CFAP57: variants seen among roughly 807,000 people sequenced by gnomAD.
CFAP57 encodes the protein cilia- and flagella-associated protein 57.
A neutral mutation model predicts 146.8 loss-of-function variants in CFAP57; 116 were observed. The observed-to-expected ratio is 0.79, with a 90% CI of 0.68 to 0.92. CFAP57 has a LOEUF of 0.92. Among genes scored for constraint, CFAP57 ranks in the 40% least tolerant of loss-of-function variants. The pLI is 0.00. For missense variants in CFAP57, 1,377 were observed against 1,527.2 expected, an observed-to-expected ratio of 0.90 and a Z score of 1.64; for synonymous variants, 518 against 552.8, an observed-to-expected ratio of 0.94 and a Z score of 0.88.
intron 18 of CFAP57, among the ~76,000 whole-genome samples, chr1:43,229,884 G>T (rs898095973): frequency 6.6e-6 from 1 of 152,140 alleles, no homozygotes; most frequent in African/African-American, 2.4e-5. Context: ...GACCTTGCCA[G>T]AGGTCCCCTG....
intron 6 of CFAP57, among the ~76,000 whole-genome samples, chr1:43,191,003 C>G (rs560621721): frequency 1.3e-5 from 2 of 152,084 alleles, no homozygotes; most frequent in Admixed American, 6.6e-5. Flanking sequence ...AGTGTTCCAG[C>G]CTCTTCTAAT....
chr1:43,233,721 C>A (rs547416648), intron 19 of CFAP57, among the ~76,000 whole-genome samples: 111 of 152,236 alleles, frequency 7.3e-4, no homozygotes, highest in African/African-American at 2.5e-3. Flanking sequence ...AAATGACTTT[C>A]TCTAGGTCAG....
At chr1:43,181,938 TTCC>T in intron 3 of CFAP57, 88 bp downstream of exon 3, 1 of 1,427,056 alleles carries the variant, frequency 7.0e-7, no homozygotes, top group Non-Finnish European at 9.8e-7. Flanking sequence ...CAGTTCTAAT[TTCC>T]TCCATGCATT....
At chr1:43,192,012 G>A (rs1486874411) in intron 6 of CFAP57, among the ~76,000 whole-genome samples, 1 of 151,886 alleles carries the variant, frequency 6.6e-6, no homozygotes, top group East Asian at 1.9e-4. Flanking sequence ...TTAGGAGTGT[G>A]TTGTTAAATT....
chr1:43,232,148 G>C, intron 18 of CFAP57: 1 of 695,114 alleles, frequency 1.4e-6, no homozygotes. Flanking sequence ...GTGCTTCTCT[G>C]GGGAACCCTG....
intron 5 of CFAP57, among the ~76,000 whole-genome samples, chr1:43,186,175 G>A (rs1057288314): frequency 4.6e-5 from 7 of 152,050 alleles, no homozygotes; most frequent in Non-Finnish European, 1.0e-4. Flanking sequence ...CTGGCAGGTG[G>A]AAGTTGCATT....
At chr1:43,173,965 G>A (rs181198512) in intron 2 of CFAP57, among the ~76,000 whole-genome samples, 1 of 152,336 alleles carries the variant, frequency 6.6e-6, no homozygotes, top group East Asian at 1.9e-4. Context: ...CCCAATGGTT[G>A]AGAAAAGGAA....
chr1:43,187,318 G>T (rs1643195645), intron 6 of CFAP57, among the ~76,000 whole-genome samples: 2 of 152,118 alleles, frequency 1.3e-5, no homozygotes, highest in African/African-American at 4.8e-5. Context: ...AAATGGCTCA[G>T]TACCAATAAG....
At chr1:43,222,714 C>T (rs1645094021) in intron 15 of CFAP57, 110 bp from the exon 16 acceptor site, 2 of 1,277,640 alleles carry the variant, frequency 1.6e-6, no homozygotes, top group East Asian at 5.3e-5. Context: ...TGACACTCGC[C>T]TTTGACTCCC....
At chr1:43,235,611 A>G (rs545485643) in intron 21 of CFAP57, among the ~76,000 whole-genome samples, 1 of 152,252 alleles carries the variant, frequency 6.6e-6, no homozygotes, top group Admixed American at 6.5e-5. Context: ...TCCCTGCTGA[A>G]AAGCAGCCCA....
intron 11 of CFAP57, chr1:43,210,139 T>C: frequency 1.2e-6 from 2 of 1,601,052 alleles, no homozygotes; most frequent in Non-Finnish European, 8.5e-7. Flanking sequence ...TAAAAATGTA[T>C]GTACAACGTT....
rs770353152 is a variant in CFAP57, at chr1:43,181,749, C to G, written c.373C>G (p.Gln125Glu). ...FSPDSKYLLAQTSPPESNLVY... is the reference protein window; with the variant it reads ...FSPDSKYLLAETSPPESNLVY... ...TCCAGACTCCAAATACCTATTGGCT[C>G]AGACGTCACCTCCAGAGTCAAATCT... The change falls in exon 3 of 23, where the codon CAG becomes GAG. Residue 125 changes from glutamine (Q) to glutamate (E), a missense_variant. Coordinates refer to ENST00000372492, the MANE Select transcript of CFAP57 (RefSeq NM_001378189.1). 3 of 1,614,178 alleles carry G rather than the reference C, an allele frequency of 1.9e-6. No homozygotes were observed. Among genetic ancestry groups the G allele is most frequent in the East Asian group, 4.5e-5 (2 of 44,882 alleles).
In CFAP57 at chr1:43,201,194, T is replaced by A. The variant is rs1001394714; in HGVS notation, c.1542+1691T>A. ...TAGATCACCAAGGGCCTATGTAGAATCTGAGAAGAATATTGGACAGCAGAG... is the reference window on the plus strand; with the variant it reads ...TAGATCACCAAGGGCCTATGTAGAAACTGAGAAGAATATTGGACAGCAGAG... On this transcript the variant is annotated intron_variant, in intron 9 of 22. Transcript: ENST00000372492. The surrounding 1 kb of genome is among the most constrained non-coding windows in gnomAD (Gnocchi z 4.4). 1.3e-5 allele frequency among the ~76,000 whole-genome samples: 2 copies of A among 151,950 alleles called. No homozygotes were observed. The highest frequency in any genetic ancestry group is 4.8e-5 in the African/African-American group (2 of 41,342).
chr1:43,240,033 T>C (rs553999851), intron 21 of CFAP57, among the ~76,000 whole-genome samples: 2 of 152,350 alleles, frequency 1.3e-5, no homozygotes, highest in Admixed American at 1.3e-4. Flanking sequence ...TGTCATGATA[T>C]AAAGTCTGCA....
chr1:43,193,856 T>A (rs1193337689), intron 6 of CFAP57, among the ~76,000 whole-genome samples: 2 of 152,124 alleles, frequency 1.3e-5, no homozygotes, highest in Non-Finnish European at 2.9e-5. Flanking sequence ...GAGTTACCAC[T>A]GAAGTCATTT....
rs544423978 is a variant in CFAP57 at position 43,243,483 on chromosome 1, C to T, written c.3538+124C>T. 6.7e-6 allele frequency: 7 copies of T among 1,049,850 alleles called. No individual in the cohort carries two copies. The African/African-American group carries it at 9.8e-5, about 15-fold the overall frequency. 65.0% of individuals were successfully genotyped at this position (1,049,850 alleles called of 1,614,324 possible). ...CATCTACACATGGCCTTCTGGGATC[C>T]TGTCCGGGGCACACACCTGCTCTTT... On this transcript the variant is annotated intron_variant, in intron 22 of 22. Transcript: ENST00000372492.
intron 11 of CFAP57, among the ~76,000 whole-genome samples, chr1:43,212,593 T>C (rs1184438026): frequency 6.6e-6 from 1 of 152,146 alleles, no homozygotes; most frequent in Non-Finnish European, 1.5e-5. Context: ...ATACAATATA[T>C]TGTTGTTAAC....
chr1:43,219,005 A>T (rs1181795318), intron 12 of CFAP57, among the ~76,000 whole-genome samples: 1 of 152,232 alleles, frequency 6.6e-6, no homozygotes, highest in Non-Finnish European at 1.5e-5. Context: ...AATTGTAGAA[A>T]GTGCAAGATC....
intron 6 of CFAP57, among the ~76,000 whole-genome samples, chr1:43,190,799 G>A (rs1426944927): frequency 6.6e-6 from 1 of 151,780 alleles, no homozygotes; most frequent in African/African-American, 2.4e-5. Context: ...ATTTTCAGAT[G>A]TTAAACCACC....
Sources: allele counts gnomAD v4.1 joint callset (sites outside exome capture counted in the v4.1 genomes callset), GRCh38; gene constraint gnomAD v4.1.1; non-coding constraint Gnocchi (gnomAD v3.1); transcripts MANE v1.5; gene names NCBI Gene and HGNC (gene_info 2026-07-23, HGNC 2026-07-21).